KIF16B: variants seen among roughly 807,000 people sequenced by gnomAD.
KIF16B encodes kinesin-like protein KIF16B.
A neutral mutation model predicts 156.3 loss-of-function variants in KIF16B; 98 were observed. That is an observed-to-expected ratio of 0.63 (90% CI 0.53 to 0.74). The LOEUF (loss-of-function observed/expected upper bound fraction) is 0.74, where lower values mean the gene tolerates loss of function less well. Ranked by LOEUF, KIF16B falls within the 30% of genes least tolerant of loss-of-function variation. The probability of loss-of-function intolerance (pLI) is 0.00; values close to 1 mark genes in which losing one functional copy is unlikely to be tolerated. For synonymous variants in KIF16B, 564 were observed against 583.7 expected, an observed-to-expected ratio of 0.97 and a Z score of 0.49; for missense variants, 1,421 against 1,606.5, an observed-to-expected ratio of 0.88 and a Z score of 1.97.
At chr20:16,356,629 T>C (rs2064448501) in intron 22 of KIF16B, among the ~76,000 whole-genome samples, 177 bp from the exon 23 acceptor site, 1 of 152,220 alleles carries the variant, frequency 6.6e-6, no homozygotes, top group South Asian at 2.1e-4. Flanking sequence ...TAAGCCTCTC[T>C]CATAACAAAA....
intron 17 of KIF16B, among the ~76,000 whole-genome samples, chr20:16,390,335 A>T (rs6105592): frequency 6.6e-6 from 1 of 152,078 alleles, no homozygotes; most frequent in Non-Finnish European, 1.5e-5. Flanking sequence ...TCCCCGGCCT[A>T]TTTCTCATAG....
intron 19 of KIF16B, among the ~76,000 whole-genome samples, chr20:16,378,425 G>T (rs1600241826): frequency 1.3e-5 from 2 of 151,808 alleles, no homozygotes. Flanking sequence ...AGAAGAAAGG[G>T]GAAAGAGAGG....
rs184644670 is a variant in KIF16B, at chr20:16,434,202, A to G, written c.1303-4220T>C. 2.6e-4 allele frequency among the ~76,000 whole-genome samples: 39 copies of G among 152,346 alleles called. No homozygotes were observed. The East Asian group carries it at 3.3e-3, about 13-fold the overall frequency. ...CCAGGCATCTATTCAGGTGAAATCCATCTGAATTTAAAACACATGCCCTTT... is the reference window on the plus strand; with the variant it reads ...CCAGGCATCTATTCAGGTGAAATCCGTCTGAATTTAAAACACATGCCCTTT... On this transcript the variant is annotated intron_variant, in intron 12 of 25. Coordinates refer to ENST00000354981, the MANE Select transcript of KIF16B (RefSeq NM_024704.5).
intron 18 of KIF16B, among the ~76,000 whole-genome samples, chr20:16,380,798 G>T (rs1340737142): frequency 6.6e-6 from 1 of 152,190 alleles, no homozygotes; most frequent in Non-Finnish European, 1.5e-5. Flanking sequence ...GTGGGGAGGT[G>T]ACATGTTGTG....
chr20:16,413,576 A>G (rs1459696027), intron 15 of KIF16B, among the ~76,000 whole-genome samples: 1 of 152,156 alleles, frequency 6.6e-6, no homozygotes, highest in Non-Finnish European at 1.5e-5. Context: ...CTACAAACAT[A>G]TGAGACAACT....
chr20:16,324,106 A>G (rs1411669787), intron 24 of KIF16B, among the ~76,000 whole-genome samples: 1 of 152,006 alleles, frequency 6.6e-6, no homozygotes, highest in African/African-American at 2.4e-5. Context: ...TATGCAGATG[A>G]AGTAACTAAA....
At chr20:16,283,749 T>C (rs541003370) in intron 25 of KIF16B, among the ~76,000 whole-genome samples, 70 of 152,238 alleles carry the variant, frequency 4.6e-4, no homozygotes, top group Middle Eastern at 6.8e-3. Context: ...ACAGTGCAGG[T>C]AGCCTCTGCT....
chr20:16,348,918 CATGATATGCACCCTCTGGG>C (rs1421328761), intron 23 of KIF16B, among the ~76,000 whole-genome samples: 1 of 152,192 alleles, frequency 6.6e-6, no homozygotes, highest in Non-Finnish European at 1.5e-5. Flanking sequence ...AATGCTGCCT[CATGATATGCACCCTCTGGG>C]ATGACAGCTA....
At chr20:16,359,930 G>T (rs1440952897) in intron 22 of KIF16B, among the ~76,000 whole-genome samples, 2 of 152,282 alleles carry the variant, frequency 1.3e-5, no homozygotes, top group East Asian at 3.9e-4. Flanking sequence ...TCATACTGGG[G>T]ATGAGAAATA....
intron 22 of KIF16B, among the ~76,000 whole-genome samples, chr20:16,363,060 A>G (rs1488964759): frequency 1.3e-5 from 2 of 152,234 alleles, no homozygotes; most frequent in African/African-American, 4.8e-5. Flanking sequence ...TTTAAGAAAC[A>G]GTGGAGAGAC....
chr20:16,327,013 A>ATG (rs566936326), intron 24 of KIF16B, among the ~76,000 whole-genome samples: 4 of 148,790 alleles, frequency 2.7e-5, no homozygotes, highest in African/African-American at 5.0e-5. Flanking sequence ...GTATGCATAT[A>ATG]TGTGTGTGTA....
intron 25 of KIF16B, among the ~76,000 whole-genome samples, chr20:16,281,814 C>A (rs1013998712): frequency 1.3e-5 from 2 of 152,054 alleles, no homozygotes; most frequent in Non-Finnish European, 2.9e-5. Context: ...CTGGCTGGCA[C>A]CATCCTCCAC....
intron 24 of KIF16B, among the ~76,000 whole-genome samples, chr20:16,334,741 G>T (rs919828586): frequency 1.3e-5 from 2 of 152,060 alleles, no homozygotes; most frequent in African/African-American, 4.8e-5. Context: ...TTTCTCTCTT[G>T]CTCCCTGTCT....
intron 1 of KIF16B, among the ~76,000 whole-genome samples, chr20:16,549,220 G>A (rs2070541064): frequency 7.2e-6 from 1 of 138,246 alleles, no homozygotes; most frequent in Non-Finnish European, 1.5e-5. Context: ...TCCCCAGAGT[G>A]TGATATTCCC....
intron 1 of KIF16B, among the ~76,000 whole-genome samples, chr20:16,530,719 G>C (rs1205801897): frequency 1.3e-5 from 2 of 151,756 alleles, no homozygotes; most frequent in Non-Finnish European, 1.5e-5. Flanking sequence ...GGTTTTTTTT[G>C]AGACAGGGTT....
At chr20:16,357,741 G>T (rs913854033) in intron 22 of KIF16B, among the ~76,000 whole-genome samples, 8 of 152,204 alleles carry the variant, frequency 5.3e-5, no homozygotes, top group South Asian at 2.1e-4. Flanking sequence ...TCAGATTGCT[G>T]CTTTTAATCT....
intron 17 of KIF16B, among the ~76,000 whole-genome samples, chr20:16,383,636 C>A (rs1258786215): frequency 2.6e-5 from 4 of 152,144 alleles, no homozygotes; most frequent in African/African-American, 9.7e-5. Context: ...TAAGAATAAA[C>A]AGAACCTTAG....
At chr20:16,300,881 G>C (rs2122595407) in intron 25 of KIF16B, among the ~76,000 whole-genome samples, 1 of 152,176 alleles carries the variant, frequency 6.6e-6, no homozygotes, top group Non-Finnish European at 1.5e-5. Context: ...GTTCACTCTT[G>C]TTGTACTTTC....
chr20:16,459,625 CA>C (rs1331504921), intron 12 of KIF16B, among the ~76,000 whole-genome samples: 1 of 152,174 alleles, frequency 6.6e-6, no homozygotes, highest in Admixed American at 6.5e-5. Flanking sequence ...AAGGAGTTAT[CA>C]AAGTGCTTGG....
Sources: allele counts gnomAD v4.1 joint callset (sites outside exome capture counted in the v4.1 genomes callset), GRCh38; gene constraint gnomAD v4.1.1; transcripts MANE v1.5; gene names NCBI Gene and HGNC (gene_info 2026-07-23, HGNC 2026-07-21).